MAF: variants seen among roughly 807,000 people sequenced by gnomAD.
MAF encodes the protein MAF bZIP transcription factor, also known as transcription factor Maf.
In MAF, 10 loss-of-function variants were observed where a neutral mutation model predicts 22.0. The observed-to-expected ratio is 0.45, with a 90% confidence interval of 0.28 to 0.77. MAF has a LOEUF of 0.77. Ranked by LOEUF, MAF falls within the 30% of genes least tolerant of loss-of-function variation. The pLI is 0.12. For synonymous variants in MAF, 337 were observed against 255.8 expected (o/e 1.32, Z -3.03); for missense variants, 544 against 548.4 (o/e 0.99, Z 0.08).
At chr16:79,570,586 C>G in the MAF span, among the ~76,000 whole-genome samples, 3 of 152,168 alleles carry the variant, frequency 2.0e-5, no homozygotes, top group Non-Finnish European at 4.4e-5. Flanking sequence ...AATCGTTCAT[C>G]TGGGAAGCTC....
chr16:79,486,600 C>T, the MAF span, among the ~76,000 whole-genome samples: 1 of 152,208 alleles, frequency 6.6e-6, no homozygotes, highest in African/African-American at 2.4e-5. Context: ...GGTTATTGCT[C>T]ATTCAACCCA....
chr16:79,384,904 C>T, the MAF span, among the ~76,000 whole-genome samples: 3 of 152,150 alleles, frequency 2.0e-5, no homozygotes, highest in Non-Finnish European at 4.4e-5. Context: ...AATTCTAAGG[C>T]AAGTTGCACC....
the MAF span, among the ~76,000 whole-genome samples, chr16:79,423,793 A>G: frequency 2.6e-5 from 4 of 152,112 alleles, no homozygotes; most frequent in African/African-American, 9.7e-5. Context: ...GAATTTCCCA[A>G]CCTACTTTTT....
the MAF span, among the ~76,000 whole-genome samples, chr16:79,456,232 C>T: frequency 2.0e-5 from 3 of 152,010 alleles, no homozygotes; most frequent in Non-Finnish European, 2.9e-5. Flanking sequence ...GCATCCTGTG[C>T]AGAAAACTTC....
the MAF span, among the ~76,000 whole-genome samples, chr16:79,502,563 G>T: frequency 5.9e-5 from 9 of 151,594 alleles, no homozygotes; most frequent in South Asian, 4.2e-4. Context: ...CTACTCAGGA[G>T]GCTGGGGTGA....
chr16:79,291,788 G>T, the MAF span, among the ~76,000 whole-genome samples: 5 of 146,316 alleles, frequency 3.4e-5, no homozygotes, highest in Non-Finnish European at 7.5e-5. Flanking sequence ...CTAGATGGTA[G>T]GAACTGAGCT....
At chr16:79,289,729 C>G in the MAF span, among the ~76,000 whole-genome samples, 1 of 152,050 alleles carries the variant, frequency 6.6e-6, no homozygotes, top group African/African-American at 2.4e-5. Flanking sequence ...ATCATTCTTC[C>G]AAGGTGTCAC....
the MAF span, among the ~76,000 whole-genome samples, chr16:79,259,626 G>T: frequency 1.6e-4 from 25 of 152,306 alleles, no homozygotes; most frequent in African/African-American, 5.5e-4. Context: ...GTCTTCACTT[G>T]ATAGAACACA....
chr16:79,395,962 T>C, the MAF span, among the ~76,000 whole-genome samples: 3 of 152,060 alleles, frequency 2.0e-5, no homozygotes, highest in Non-Finnish European at 4.4e-5. Flanking sequence ...CCCGGTGGCA[T>C]TTGGAGACTG....
chr16:79,340,074 C>T, the MAF span, among the ~76,000 whole-genome samples: 1 of 152,136 alleles, frequency 6.6e-6, no homozygotes, highest in Non-Finnish European at 1.5e-5. Flanking sequence ...GCCTGTTCAT[C>T]CAATTAACCA....
the MAF span, among the ~76,000 whole-genome samples, chr16:79,428,445 C>G: frequency 2.6e-5 from 4 of 152,174 alleles, no homozygotes; most frequent in African/African-American, 9.7e-5. Context: ...CTGTTGCTCC[C>G]TTGGAGTCCC....
the MAF span, among the ~76,000 whole-genome samples, chr16:79,383,034 T>G: frequency 6.6e-6 from 1 of 152,234 alleles, no homozygotes; most frequent in Non-Finnish European, 1.5e-5. Context: ...TTCAGTTGCT[T>G]CATCTATAAA....
the MAF span, among the ~76,000 whole-genome samples, chr16:79,516,884 A>T: frequency 2.0e-5 from 3 of 152,130 alleles, no homozygotes; most frequent in African/African-American, 7.2e-5. Flanking sequence ...CTTCAACTAC[A>T]TTGTTGTTGC....
the MAF span, among the ~76,000 whole-genome samples, chr16:79,493,110 A>G: frequency 7.0e-3 from 1,036 of 148,880 alleles, 7 homozygotes; most frequent in Middle Eastern, 0.032. Flanking sequence ...GGTGTGCACT[A>G]CCATGCTCAG....
At chr16:79,352,143 G>A in the MAF span, among the ~76,000 whole-genome samples, 3 of 152,230 alleles carry the variant, frequency 2.0e-5, no homozygotes, top group South Asian at 2.1e-4. Context: ...ATCACAAAAT[G>A]TTCTGCCAAG....
At chr16:79,530,512 C>G in the MAF span, among the ~76,000 whole-genome samples, 214 of 152,192 alleles carry the variant, frequency 1.4e-3, no homozygotes, top group Middle Eastern at 6.8e-3. Flanking sequence ...AATAAAAAAT[C>G]AGCATAAAAT....
At chr16:79,517,645 G>T in the MAF span, among the ~76,000 whole-genome samples, 1 of 146,684 alleles carries the variant, frequency 6.8e-6, no homozygotes, top group Non-Finnish European at 1.5e-5. Flanking sequence ...CAGGATCTTG[G>T]CTCACTGCAA....
chr16:79,493,504 A>G, the MAF span, among the ~76,000 whole-genome samples: 1 of 152,068 alleles, frequency 6.6e-6, no homozygotes, highest in East Asian at 1.9e-4. Context: ...TAGTAGAGAC[A>G]GGTTTTACCA....
the MAF span, among the ~76,000 whole-genome samples, chr16:79,466,846 C>A: frequency 6.6e-6 from 1 of 152,186 alleles, no homozygotes; most frequent in Non-Finnish European, 1.5e-5. Flanking sequence ...CTGCCCGCGA[C>A]ACCAAAGTGA....
Sources: gnomAD v4.1 joint callset for allele counts (sites outside exome capture counted in the v4.1 genomes callset) on GRCh38, gnomAD v4.1.1 for gene constraint, MANE v1.5 for transcripts, NCBI Gene and HGNC (gene_info 2026-07-23, HGNC 2026-07-21) for gene names.